Variants in STXBP5L observed in about 807,000 individuals in gnomAD.
STXBP5L encodes the protein syntaxin binding protein 5L.
STXBP5L carries 65 observed loss-of-function variants against 144.5 expected under a neutral mutation model. The ratio of observed to expected loss-of-function variants is 0.45; its 90% CI spans 0.37 to 0.55. The LOEUF (loss-of-function observed/expected upper bound fraction) is 0.55. Among genes scored for constraint, STXBP5L ranks in the 20% least tolerant of loss-of-function variants. STXBP5L has a pLI of 0.00. For missense variants in STXBP5L, 1,298 were observed against 1,405.5 expected (o/e 0.92, Z 1.22); for synonymous variants, 505 against 469.6 (o/e 1.08, Z -0.97).
chr3:121,156,057 GA>G (rs978972308), intron 8 of STXBP5L, among the ~76,000 whole-genome samples: 3 of 151,656 alleles, frequency 2.0e-5, no homozygotes, highest in Non-Finnish European at 3.0e-5. Context: ...GAGGAGAAGA[GA>G]AAAAAAGTAT....
intron 10 of STXBP5L, among the ~76,000 whole-genome samples, chr3:121,216,618 C>T (rs571377526): frequency 6.6e-6 from 1 of 152,300 alleles, no homozygotes; most frequent in African/African-American, 2.4e-5. Context: ...TGGTGTCTGT[C>T]GATCACTGCT....
At chr3:121,368,371 T>C (rs1409492584) in intron 20 of STXBP5L, among the ~76,000 whole-genome samples, 2 of 152,236 alleles carry the variant, frequency 1.3e-5, no homozygotes, top group African/African-American at 4.8e-5. Flanking sequence ...ATTTTGTTCA[T>C]ACATCCTTTA....
intron 5 of STXBP5L, among the ~76,000 whole-genome samples, chr3:121,092,663 G>A (rs2107740573): frequency 6.6e-6 from 1 of 152,360 alleles, no homozygotes; most frequent in Admixed American, 6.5e-5. Flanking sequence ...AGCTTAAGGA[G>A]ATTTTGGGCT....
chr3:120,964,083 A>G (rs1204844936), intron 3 of STXBP5L, among the ~76,000 whole-genome samples: 1 of 152,060 alleles, frequency 6.6e-6, no homozygotes, highest in Non-Finnish European at 1.5e-5. Flanking sequence ...GTATTTTCTG[A>G]TGGTAGTTTG....
At chr3:121,015,595 C>T (rs2108168573) in intron 3 of STXBP5L, among the ~76,000 whole-genome samples, 1 of 152,300 alleles carries the variant, frequency 6.6e-6, no homozygotes, top group East Asian at 1.9e-4. Context: ...ACCCCCAATA[C>T]TTTTCCTTTT....
intron 19 of STXBP5L, chr3:121,282,168 T>G: frequency 1.0e-6 from 1 of 996,980 alleles, no homozygotes. Flanking sequence ...ATCTTGGCTG[T>G]TCTAGATTCT....
At chr3:121,323,661 C>T (rs1017860061) in intron 20 of STXBP5L, among the ~76,000 whole-genome samples, 2 of 152,138 alleles carry the variant, frequency 1.3e-5, no homozygotes, top group African/African-American at 2.4e-5. Flanking sequence ...TGAGGATAAA[C>T]TAATGAACAA....
chr3:121,337,587 G>A (rs2044554548), intron 20 of STXBP5L, among the ~76,000 whole-genome samples: 2 of 151,940 alleles, frequency 1.3e-5, no homozygotes, highest in Admixed American at 1.3e-4. Context: ...TAAGAAAAGA[G>A]AAAGACATCA....
Position 121,419,183 on chromosome 3 carries a change from C to G in STXBP5L, c.*86C>G. The G allele has an allele frequency of 7.9e-7, 1 of 1,260,758 alleles. No individual in the cohort carries two copies. The highest frequency in any genetic ancestry group is 1.1e-6 in the Non-Finnish European group (1 of 898,918). 78.1% of individuals were successfully genotyped at this position (1,260,758 alleles called of 1,614,324 possible). On this transcript the variant is annotated 3_prime_UTR_variant, in exon 27 of 27. Transcript: ENST00000471454. ...AGCATCACTACTCAACTGCTAGAAGCCAGTTTCTTCTACAAAATGTTCCAT... is the reference window on the plus strand; with the variant it reads ...AGCATCACTACTCAACTGCTAGAAGGCAGTTTCTTCTACAAAATGTTCCAT...
chr3:121,323,231 G>A (rs2108541544), intron 20 of STXBP5L, among the ~76,000 whole-genome samples: 1 of 152,178 alleles, frequency 6.6e-6, no homozygotes, highest in Middle Eastern at 3.4e-3. Flanking sequence ...TGTTGCAATT[G>A]TTTTTGAGGA....
At position 121,279,925 on chromosome 3, in the gene STXBP5L, G is replaced by A; in HGVS notation, c.2079G>A (p.Arg693=). 6.2e-7 allele frequency: 1 copy of A among 1,611,992 alleles called. No homozygotes were observed. Among genetic ancestry groups the A allele is most frequent in the Non-Finnish European group, 8.5e-7 (1 of 1,178,634 alleles). ...RSSDLYQRQP[R]SPRKNKQFIA... ...GTGACTTATACCAGCGACAACCACG[G>A]TCTCCTCGAAAAAACAAACAGTTCA... The change falls in exon 19 of 27, where the codon CGG becomes CGA. Residue 693 remains arginine, a synonymous_variant. Coordinates refer to ENST00000471454, the MANE Select transcript of STXBP5L (RefSeq NM_001308330.2).
intron 2 of STXBP5L, among the ~76,000 whole-genome samples, chr3:120,920,136 A>G (rs1236309027): frequency 1.3e-5 from 2 of 151,890 alleles, no homozygotes; most frequent in African/African-American, 4.8e-5. Context: ...TATTGAGACT[A>G]TTAACATACG....
At chr3:121,006,704 A>G (rs1357226532) in intron 3 of STXBP5L, among the ~76,000 whole-genome samples, 3 of 151,916 alleles carry the variant, frequency 2.0e-5, no homozygotes, top group Non-Finnish European at 4.4e-5. Context: ...TTTCCTTTCT[A>G]TGTTTAGTGC....
intron 5 of STXBP5L, among the ~76,000 whole-genome samples, chr3:121,073,418 G>T (rs1292475011): frequency 1.3e-5 from 2 of 152,194 alleles, no homozygotes. Flanking sequence ...TTGTCCAAAT[G>T]TGAGCTTGTT....
intron 20 of STXBP5L, among the ~76,000 whole-genome samples, chr3:121,335,493 G>C (rs1577485625): frequency 1.3e-5 from 2 of 152,058 alleles, no homozygotes; most frequent in South Asian, 4.2e-4. Flanking sequence ...AATAACCAAG[G>C]CAATTTTAAT....
intron 7 of STXBP5L, among the ~76,000 whole-genome samples, chr3:121,138,597 A>G (rs1219813639): frequency 6.6e-6 from 1 of 152,276 alleles, no homozygotes; most frequent in East Asian, 1.9e-4. Flanking sequence ...GCCCAACATA[A>G]AAATCCACAC....
At chr3:121,186,054 A>T (rs1244926433) in intron 9 of STXBP5L, among the ~76,000 whole-genome samples, 1 of 151,954 alleles carries the variant, frequency 6.6e-6, no homozygotes, top group Non-Finnish European at 1.5e-5. Context: ...ATTCTCTTTG[A>T]AGCAATTGTG....
intron 5 of STXBP5L, among the ~76,000 whole-genome samples, chr3:121,106,861 C>G (rs180836538): frequency 1.3e-5 from 2 of 152,276 alleles, no homozygotes; most frequent in African/African-American, 4.8e-5. Context: ...TTCCCACCAA[C>G]AGTATAAAAG....
In STXBP5L at chr3:121,282,209, T is replaced by C. The variant is rs184820278; in HGVS notation, c.2110+2253T>C. ...GATATCACTTCCTTTCACTTTAGAC[T>C]TTTTTTTCTCTTTCTTCTGCCTGCT... On this transcript the variant is annotated intron_variant, in intron 19 of 26. Transcript: ENST00000471454. 3.7e-3 allele frequency: 5,678 copies of C among 1,539,982 alleles called. 21 individuals are homozygous for C. Among genetic ancestry groups the C allele is most frequent in the Middle Eastern group, 3.8e-3 (22 of 5,866 alleles).
Sources: allele counts gnomAD v4.1 joint callset (sites outside exome capture counted in the v4.1 genomes callset), GRCh38; gene constraint gnomAD v4.1.1; transcripts MANE v1.5; gene names NCBI Gene and HGNC (gene_info 2026-07-23, HGNC 2026-07-21).